TTL: variants seen among roughly 807,000 people sequenced by gnomAD.
The protein encoded by TTL is tubulin tyrosine ligase.
A neutral mutation model predicts 41.1 loss-of-function variants in TTL; 10 were observed. The observed-to-expected ratio is 0.24, with a 90% CI of 0.15 to 0.41. The LOEUF is 0.41. Among genes scored for constraint, TTL ranks in the 10% least tolerant of loss-of-function variants. The pLI is 1.00. For synonymous variants in TTL, 175 were observed against 175.5 expected, an observed-to-expected ratio of 1.00 and a Z score of 0.02; for missense variants, 367 against 460.4, an observed-to-expected ratio of 0.80 and a Z score of 1.86.
intron 5 of TTL, among the ~76,000 whole-genome samples, chr2:112,503,484 A>G (rs1035503376): frequency 6.7e-6 from 1 of 148,508 alleles, no homozygotes; most frequent in African/African-American, 2.5e-5. Context: ...CCCAGGCTGG[A>G]GTGCAATGGT....
intron 5 of TTL, among the ~76,000 whole-genome samples, chr2:112,518,133 T>G (rs1406655758): frequency 7.5e-6 from 1 of 133,750 alleles, no homozygotes; most frequent in Non-Finnish European, 1.6e-5. Flanking sequence ...CACAGCCAAC[T>G]AATTTTTTTT....
At chr2:112,527,264 T>A (rs559309607) in intron 6 of TTL, among the ~76,000 whole-genome samples, 115 of 152,344 alleles carry the variant, frequency 7.5e-4, no homozygotes, top group African/African-American at 2.6e-3. Context: ...GTGAGATATG[T>A]GGTGCTGAGA....
At chr2:112,510,669 C>G (rs941149327) in intron 5 of TTL, among the ~76,000 whole-genome samples, 3 of 152,130 alleles carry the variant, frequency 2.0e-5, no homozygotes, top group Admixed American at 2.0e-4. Flanking sequence ...CGGGGTTTCT[C>G]CATGTTGGTC....
chr2:112,511,079 A>G (rs1466862699), intron 5 of TTL, among the ~76,000 whole-genome samples: 1 of 152,114 alleles, frequency 6.6e-6, no homozygotes, highest in Non-Finnish European at 1.5e-5. Context: ...ATGCAGTGGC[A>G]CAAACATGGT....
intron 6 of TTL, among the ~76,000 whole-genome samples, chr2:112,526,628 G>A (rs7586685): frequency 0.1 from 15,945 of 152,196 alleles, 1,043 homozygotes; most frequent in South Asian, 0.16. Context: ...GGGATCAGTG[G>A]TGATAACCCC....
At chr2:112,494,029 G>C in intron 2 of TTL, 114 bp from the exon 3 acceptor site, 1 of 735,766 alleles carries the variant, frequency 1.4e-6, no homozygotes, top group Admixed American at 2.8e-5. Flanking sequence ...GATGTTAGAA[G>C]ACTGAGTCAT....
In TTL at chr2:112,530,818, A is replaced by C. The variant is rs1228838932; in HGVS notation, c.*2023A>C. On this transcript the variant is annotated 3_prime_UTR_variant, in exon 7 of 7. Transcript: ENST00000233336. ...CAATGGCATATATAAGAGGGAAGTA[A>C]GACTTTTAAGAAAAGAAAAAGTTAT... is the stretch of plus-strand genomic sequence containing the variant. 5.2e-6 allele frequency: 1 copy of C among 191,426 alleles called. No homozygotes were observed. The highest frequency in any genetic ancestry group is 2.3e-5 in the African/African-American group (1 of 42,998). 11.9% of individuals were successfully genotyped at this position (191,426 alleles called of 1,614,324 possible).
chr2:112,524,627 T>A (rs938910435), intron 6 of TTL, among the ~76,000 whole-genome samples: 38 of 152,222 alleles, frequency 2.5e-4, no homozygotes, highest in Non-Finnish European at 1.9e-4. Flanking sequence ...TTGCCCACTT[T>A]TTGATGGGGT....
At chr2:112,497,643 A>G (rs542072539) in intron 3 of TTL, among the ~76,000 whole-genome samples, 51 of 151,698 alleles carry the variant, frequency 3.4e-4, no homozygotes, top group African/African-American at 1.2e-3. Context: ...AGAATAAGGG[A>G]GCTTTTCCAG....
intron 3 of TTL, among the ~76,000 whole-genome samples, 189 bp downstream of exon 3, chr2:112,494,564 C>G (rs1029931824): frequency 1.3e-5 from 2 of 152,200 alleles, no homozygotes; most frequent in Non-Finnish European, 2.9e-5. Flanking sequence ...TTCCTTTAAG[C>G]TCTAGATCCA....
At chr2:112,487,310 A>G (rs918709486) in intron 2 of TTL, among the ~76,000 whole-genome samples, 1 of 152,190 alleles carries the variant, frequency 6.6e-6, no homozygotes, top group Non-Finnish European at 1.5e-5. Flanking sequence ...CCACTCCTGA[A>G]GGAGAGTGAG....
rs575450013 is a variant in TTL at position 112,529,347 on chromosome 2, T to A, written c.*552T>A. On this transcript the variant is annotated 3_prime_UTR_variant, in exon 7 of 7. Coordinates refer to ENST00000233336, the MANE Select transcript of TTL (RefSeq NM_153712.5). ...TTCCCTCATCACCTTCCTGATGGTG[T>A]TTGGTCAGTCACCTGTCAGGGTTTG... 4 of 231,318 alleles carry A rather than the reference T, an allele frequency of 1.7e-5. No individual in the cohort carries two copies. In the South Asian group the frequency reaches 7.2e-4, roughly 41 times the overall value. The allele number at this position is 231,318 out of a possible 1,614,324, so 14.3% of individuals were successfully genotyped here.
intron 3 of TTL, among the ~76,000 whole-genome samples, chr2:112,496,073 C>G (rs1182335890): frequency 2.6e-5 from 4 of 152,124 alleles, no homozygotes; most frequent in African/African-American, 7.2e-5. Context: ...CTTTTCTCAA[C>G]TACTGCCCCC....
intron 2 of TTL, among the ~76,000 whole-genome samples, chr2:112,490,299 T>A (rs1176573069): frequency 6.6e-6 from 1 of 152,056 alleles, no homozygotes; most frequent in Non-Finnish European, 1.5e-5. Flanking sequence ...GCGCCTGTAA[T>A]CCCAGCTACT....
chr2:112,490,509 T>C (rs1255405982), intron 2 of TTL, among the ~76,000 whole-genome samples: 1 of 151,394 alleles, frequency 6.6e-6, no homozygotes, highest in Non-Finnish European at 1.5e-5. Context: ...TTCCAATATG[T>C]ATCATACAAT....
intron 2 of TTL, among the ~76,000 whole-genome samples, chr2:112,488,855 G>C (rs1360655011): frequency 2.0e-5 from 3 of 152,158 alleles, no homozygotes; most frequent in African/African-American, 7.2e-5. Context: ...TTGGGAGGCC[G>C]AGGCGGGCGG....
At chr2:112,502,249 A>G (rs574096298) in intron 4 of TTL, among the ~76,000 whole-genome samples, 1 of 152,314 alleles carries the variant, frequency 6.6e-6, no homozygotes, top group South Asian at 2.1e-4. Context: ...TTGAACATCA[A>G]CATAGGTCAG....
chr2:112,482,338 C>T lies in TTL; in HGVS notation c.-7C>T, dbSNP rs903379881. 2.0e-6 allele frequency: 3 copies of T among 1,509,484 alleles called. No individual in the cohort carries two copies. 93.5% of individuals were successfully genotyped at this position (1,509,484 alleles called of 1,614,324 possible). A position where few individuals can be genotyped will look rare whatever the true frequency, so the allele number is the denominator to read the frequency against. On this transcript the variant is annotated 5_prime_UTR_variant, in exon 1 of 7. Transcript: ENST00000233336. The surrounding 1 kb of genome is among the most constrained non-coding windows in gnomAD (Gnocchi z 5.3). ...TGCCCGGCGGCCCGGGCGCGCGGCG[C>T]TTCGCCATGTACACCTTCGTGGTAC... is the stretch of plus-strand genomic sequence containing the variant.
intron 2 of TTL, among the ~76,000 whole-genome samples, chr2:112,486,767 A>G (rs1165845007): frequency 6.6e-6 from 1 of 152,222 alleles, no homozygotes; most frequent in Non-Finnish European, 1.5e-5. Context: ...TCGTAAGGCT[A>G]TTATGAGAAT....
Sources: gnomAD v4.1 joint callset for allele counts (sites outside exome capture counted in the v4.1 genomes callset) on GRCh38, gnomAD v4.1.1 for gene constraint, Gnocchi (gnomAD v3.1) non-coding constraint, MANE v1.5 for transcripts, NCBI Gene and HGNC (gene_info 2026-07-23, HGNC 2026-07-21) for gene names.